Variants in ATL1 observed in about 807,000 individuals in gnomAD.
The protein encoded by ATL1 is atlastin-1.
In ATL1, 31 loss-of-function variants were observed where a neutral mutation model predicts 75.5. The observed-to-expected ratio is 0.41, with a 90% CI of 0.31 to 0.55. The LOEUF is 0.55. Ranked by LOEUF, ATL1 falls within the 20% of genes least tolerant of loss-of-function variation. The probability of loss-of-function intolerance (pLI) is 0.27; values close to 1 mark genes in which losing one functional copy is unlikely to be tolerated. For missense variants in ATL1, 405 were observed against 662.6 expected (o/e 0.61, Z 4.27); for synonymous variants, 226 against 233.3 (o/e 0.97, Z 0.28).
intron 6 of ATL1, among the ~76,000 whole-genome samples, chr14:50,598,590 T>A (rs1285196821): frequency 6.6e-6 from 1 of 152,132 alleles, no homozygotes; most frequent in African/African-American, 2.4e-5. Context: ...CTCGAACTCC[T>A]GACCTCAGGT....
rs570766546 is a variant in ATL1 at position 50,632,744 on chromosome 14, C to T, written c.*405C>T. 4.8e-6 allele frequency: 1 copy of T among 210,166 alleles called. No individual in the cohort carries two copies. The highest frequency in any genetic ancestry group is 8.3e-5 in the South Asian group (1 of 12,076). The allele number at this position is 210,166 out of a possible 1,614,324, so 13.0% of individuals were successfully genotyped here. A position where few individuals can be genotyped will look rare whatever the true frequency, so the allele number is the denominator to read the frequency against. On this transcript the variant is annotated 3_prime_UTR_variant, in exon 14 of 14. Coordinates refer to ENST00000358385, the MANE Select transcript of ATL1 (RefSeq NM_015915.5). ...ATTTCACATTAGCCATTTGTTAAAACACAGCATCATAACTCAGCAGGCTGG... is the reference window on the plus strand; with the variant it reads ...ATTTCACATTAGCCATTTGTTAAAATACAGCATCATAACTCAGCAGGCTGG...
Position 50,613,318 on chromosome 14 carries a change from T to A in ATL1, c.690T>A (p.Asp230Glu), listed in dbSNP as rs776318211. ...CATACGAATTTTCATATGGAGCCGA[T>A]GGTGGTGCCAAATTCTTGGAAAAAC... is the stretch of plus-strand genomic sequence containing the variant. ...SFPYEFSYGADGGAKFLEKRL... is the reference protein window; with the variant it reads ...SFPYEFSYGAEGGAKFLEKRL... The change falls in exon 7 of 14, where the codon GAT becomes GAA. Residue 230 changes from aspartate to glutamate, a missense_variant. Asp to Glu is a conservative substitution (Grantham distance 45, BLOSUM62 2). Around this residue, in one of 5 missense-constraint regions of ATL1, gnomAD observed 59 missense variants for 161.4 expected, o/e 0.37. Transcript: ENST00000358385. 2 of 1,613,238 alleles carry A rather than the reference T, an allele frequency of 1.2e-6. No individual in the cohort carries two copies. Among genetic ancestry groups the A allele is most frequent in the Non-Finnish European group, 1.7e-6 (2 of 1,179,650 alleles).
At chr14:50,540,568 C>T (rs1263368000) in intron 1 of ATL1, among the ~76,000 whole-genome samples, 6 of 152,266 alleles carry the variant, frequency 3.9e-5, no homozygotes, top group Admixed American at 3.3e-4. Context: ...GGGTGATTCT[C>T]ATACATTCTG....
At chr14:50,612,689 T>C (rs949801063) in intron 6 of ATL1, among the ~76,000 whole-genome samples, 1 of 152,160 alleles carries the variant, frequency 6.6e-6, no homozygotes, top group Non-Finnish European at 1.5e-5. Flanking sequence ...CATTTGTGTA[T>C]GTACCTAGGG....
intron 13 of ATL1, chr14:50,631,033 C>CG (rs1419061740): frequency 6.7e-6 from 3 of 444,898 alleles, no homozygotes; most frequent in African/African-American, 6.1e-5. Context: ...CTGAGGTGGG[C>CG]GGATCACGTT....
intron 2 of ATL1, among the ~76,000 whole-genome samples, chr14:50,588,847 ATGT>A (rs1445206043): frequency 6.6e-6 from 1 of 152,222 alleles, no homozygotes; most frequent in Admixed American, 6.5e-5. Flanking sequence ...TGTTATGGAA[ATGT>A]TATTATGCTA....
intron 1 of ATL1, among the ~76,000 whole-genome samples, chr14:50,549,870 A>T (rs1157335365): frequency 3.3e-5 from 5 of 152,202 alleles, no homozygotes. Flanking sequence ...TAAAAGAGTT[A>T]CCCACTAACA....
intron 8 of ATL1, among the ~76,000 whole-genome samples, chr14:50,616,204 T>A (rs1261815754): frequency 6.6e-6 from 1 of 152,080 alleles, no homozygotes; most frequent in Non-Finnish European, 1.5e-5. Context: ...TTGCTATGTT[T>A]CCAGGGCTGG....
chr14:50,554,514 C>G (rs1434993159), intron 1 of ATL1, among the ~76,000 whole-genome samples: 1 of 152,086 alleles, frequency 6.6e-6, no homozygotes, highest in Non-Finnish European at 1.5e-5. Context: ...TGTGATGTGT[C>G]CCCACTAGGT....
chr14:50,566,291 C>T (rs1215471376), intron 1 of ATL1, among the ~76,000 whole-genome samples: 1 of 152,198 alleles, frequency 6.6e-6, no homozygotes, highest in Non-Finnish European at 1.5e-5. Flanking sequence ...AGCCACTGCA[C>T]CCGGCCAGGA....
intron 10 of ATL1, 151 bp downstream of exon 10, chr14:50,622,050 C>T (rs975748214): frequency 3.7e-5 from 26 of 698,844 alleles, no homozygotes; most frequent in Non-Finnish European, 6.5e-5. Flanking sequence ...TTCATCTAAA[C>T]ATGTTTCACA....
At chr14:50,542,468 A>G (rs892277158) in intron 1 of ATL1, 14 of 152,346 alleles carry the variant, frequency 9.2e-5, no homozygotes, top group African/African-American at 3.1e-4. Context: ...AATTAAAAAA[A>G]TAAAAGAAAA....
intron 1 of ATL1, among the ~76,000 whole-genome samples, chr14:50,570,703 G>T (rs886740675): frequency 2.0e-5 from 3 of 152,114 alleles, no homozygotes; most frequent in Non-Finnish European, 4.4e-5. Flanking sequence ...TTGCCATATT[G>T]TCTTTCTCTA....
At chr14:50,566,699 CA>C (rs1470446600) in intron 1 of ATL1, among the ~76,000 whole-genome samples, 1 of 152,068 alleles carries the variant, frequency 6.6e-6, no homozygotes, top group Non-Finnish European at 1.5e-5. Flanking sequence ...GAGTTTTATA[CA>C]TATTTTTTAT....
At chr14:50,629,099 C>T (rs1477096067) in intron 12 of ATL1, among the ~76,000 whole-genome samples, 1 of 152,166 alleles carries the variant, frequency 6.6e-6, no homozygotes, top group Non-Finnish European at 1.5e-5. Flanking sequence ...CTTGTGTTAA[C>T]ATTATCTCAT....
At chr14:50,591,273 A>C (rs1477542541) in intron 3 of ATL1, among the ~76,000 whole-genome samples, 198 bp downstream of exon 3, 1 of 152,226 alleles carries the variant, frequency 6.6e-6, no homozygotes, top group African/African-American at 2.4e-5. Flanking sequence ...ATGATAGAAC[A>C]GCAGATCAGC....
At chr14:50,603,660 T>C (rs2039291293) in intron 6 of ATL1, among the ~76,000 whole-genome samples, 2 of 152,226 alleles carry the variant, frequency 1.3e-5, no homozygotes, top group East Asian at 1.9e-4. Flanking sequence ...CAAAAAATTC[T>C]TTGATAGTGA....
chr14:50,546,475 GTAAA>G (rs2038633956), intron 1 of ATL1, among the ~76,000 whole-genome samples: 1 of 152,072 alleles, frequency 6.6e-6, no homozygotes, highest in Non-Finnish European at 1.5e-5. Context: ...TGGCTTATAA[GTAAA>G]TGAGTACTCA....
chr14:50,542,708 A>G (rs1595566512), intron 1 of ATL1: 1 of 152,082 alleles, frequency 6.6e-6, no homozygotes, highest in African/African-American at 2.4e-5. Context: ...GGGAAGAAAA[A>G]GTTTAGGCTT....
Sources: allele counts gnomAD v4.1 joint callset (sites outside exome capture counted in the v4.1 genomes callset), GRCh38; gene constraint gnomAD v4.1.1; regional missense constraint gnomAD v4.1.1; transcripts MANE v1.5; gene names NCBI Gene and HGNC (gene_info 2026-07-23, HGNC 2026-07-21).